Variants in PUS7L observed in about 807,000 individuals in gnomAD.
The protein encoded by PUS7L is pseudouridylate synthase PUS7L.
PUS7L carries 49 observed loss-of-function variants against 51.1 expected under a neutral mutation model. The ratio of observed to expected loss-of-function variants is 0.96; its 90% CI spans 0.76 to 1.22. The LOEUF is 1.22. PUS7L is among the 50% of genes most tolerant of loss of function. PUS7L has a pLI of 0.00. For missense variants in PUS7L, 828 were observed against 820.6 expected, an observed-to-expected ratio of 1.01 and a Z score of -0.11; for synonymous variants, 277 against 276.2, an observed-to-expected ratio of 1.00 and a Z score of -0.03.
Position 43,755,296 on chromosome 12 carries a change from G to C in PUS7L, c.-16-35C>G, listed in dbSNP as rs762812669. 4.4e-6 allele frequency: 6 copies of C among 1,353,624 alleles called. No homozygotes were observed. The African/African-American group carries it at 5.9e-5, about 13-fold the overall frequency. The allele number at this position is 1,353,624 out of a possible 1,614,324, so 83.9% of individuals were successfully genotyped here. On this transcript the variant is annotated intron_variant, in intron 1 of 8. Coordinates refer to ENST00000344862, the MANE Select transcript of PUS7L (RefSeq NM_031292.5). ...AAAACAAAGAGGTGGTTAGTTAACA[G>C]AAAGAGAAGTTATGGATGACCAAAT...
rs1027891837 is a variant in PUS7L at position 43,725,056 on chromosome 12, T to C, written c.*5320A>G. On this transcript the variant is annotated 3_prime_UTR_variant, in exon 9 of 9. Coordinates refer to ENST00000344862, the MANE Select transcript of PUS7L (RefSeq NM_031292.5). ...AAAAAGGTAAATCAGCCAATGTTGA[T>C]ATATGTAAATAGTATCAATCAGCTT... 2.0e-5 allele frequency: 3 copies of C among 152,234 alleles called. 1 individual carries two copies. Among genetic ancestry groups the C allele is most frequent in the Admixed American group, 2.0e-4 (3 of 15,286 alleles). The allele number at this position is 152,234 out of a possible 1,614,324, so 9.4% of individuals were successfully genotyped here.
rs137926852 is a variant in PUS7L, at chr12:43,729,422, T to C, written c.*954A>G. ...GCTCAGATCTTCCTAAATCAATACA[T>C]GTCTACATGCCAGTCATTCCTCCCC... On this transcript the variant is annotated 3_prime_UTR_variant, in exon 9 of 9. Coordinates refer to ENST00000344862, the MANE Select transcript of PUS7L (RefSeq NM_031292.5). 6,967 of 376,200 alleles carry C rather than the reference T, an allele frequency of 0.019. 108 individuals are homozygous for C. Among genetic ancestry groups the C allele is most frequent in the South Asian group, 0.037 (249 of 6,778 alleles). 23.3% of individuals were successfully genotyped at this position (376,200 alleles called of 1,614,324 possible). A position where few individuals can be genotyped will look rare whatever the true frequency, so the allele number is the denominator to read the frequency against.
chr12:43,733,176 A>G (rs1169008345), intron 7 of PUS7L, among the ~76,000 whole-genome samples: 1 of 152,068 alleles, frequency 6.6e-6, no homozygotes, highest in Non-Finnish European at 1.5e-5. Context: ...TTGCCCACAC[A>G]CACACACACA....
At chr12:43,743,743 A>C (rs1160427060) in intron 4 of PUS7L, among the ~76,000 whole-genome samples, 1 of 152,156 alleles carries the variant, frequency 6.6e-6, no homozygotes, top group Non-Finnish European at 1.5e-5. Flanking sequence ...AGCCTGGGTG[A>C]CAGAGCGAGA....
At position 43,720,869 on chromosome 12, in the gene PUS7L, C is replaced by T. The variant is rs1447787231; in HGVS notation, c.*9507G>A. The T allele has an allele frequency of 6.6e-6, 1 of 152,096 alleles. No homozygotes were observed. Among genetic ancestry groups the T allele is most frequent in the African/African-American group, 2.4e-5 (1 of 41,416 alleles). The allele number at this position is 152,096 out of a possible 1,614,324, so 9.4% of individuals were successfully genotyped here. ...CTGTACTTTACTGTCTTATTAGTTCCAGATAATTCTCCATGTTTTCTCTTT... is the reference window on the plus strand; with the variant it reads ...CTGTACTTTACTGTCTTATTAGTTCTAGATAATTCTCCATGTTTTCTCTTT... On this transcript the variant is annotated 3_prime_UTR_variant, in exon 9 of 9. Coordinates refer to ENST00000344862, the MANE Select transcript of PUS7L (RefSeq NM_031292.5).
rs1592166386 is a variant in PUS7L, at chr12:43,739,839, G to A, written c.1363-1448C>T. 6 of 152,240 alleles carry A rather than the reference G, an allele frequency of 3.9e-5. No individual in the cohort carries two copies. The Middle Eastern group carries it at 0.017, about 432-fold the overall frequency. The allele number at this position is 152,240 out of a possible 1,614,324, so 9.4% of individuals were successfully genotyped here. A position where few individuals can be genotyped will look rare whatever the true frequency, so the allele number is the denominator to read the frequency against. On this transcript the variant is annotated intron_variant, in intron 5 of 8. Transcript: ENST00000344862. ...ATAAAATTGGAGAAGAGGTTATATT[G>A]AGAGTACTATCAAAGTAAGTACACA...
rs1362772729 is a variant in PUS7L at position 43,754,618 on chromosome 12, C to A, written c.628G>T (p.Val210Leu). 3 of 1,613,120 alleles carry A rather than the reference C, an allele frequency of 1.9e-6. No individual in the cohort carries two copies. Among genetic ancestry groups the A allele is most frequent in the South Asian group, 2.2e-5 (2 of 90,918 alleles). Residue 210 changes from valine (V) to leucine (L), a missense_variant, in exon 2 of 9, where the codon GTA becomes TTA. Val to Leu is a conservative substitution (Grantham distance 32, BLOSUM62 1). Transcript: ENST00000344862. ...NLEYKELCHLVSEEEAFDFFK... is the reference protein window; with the variant it reads ...NLEYKELCHLLSEEEAFDFFK... ...AAGTCAAATGCTTCCTCTTCAGATA[C>A]CAAATGACAAAGTTCTTTATATTCA... is the stretch of plus-strand genomic sequence containing the variant.
At chr12:43,738,172 A>G (rs758140094) in intron 6 of PUS7L, 138 bp downstream of exon 6, 3 of 568,198 alleles carry the variant, frequency 5.3e-6, no homozygotes, top group Non-Finnish European at 9.4e-6. Flanking sequence ...TCATGTAATA[A>G]AAGTGTTCAG....
chr12:43,739,754 T>A (rs763075998), intron 5 of PUS7L: 1 of 152,122 alleles, frequency 6.6e-6, no homozygotes, highest in Non-Finnish European at 1.5e-5. Flanking sequence ...GCTGGAAATA[T>A]AAAAGATGGT....
At chr12:43,751,418 A>G (rs917362764) in intron 2 of PUS7L, among the ~76,000 whole-genome samples, 5 of 141,448 alleles carry the variant, frequency 3.5e-5, no homozygotes, top group Admixed American at 1.6e-4. Flanking sequence ...TCATTGTTCA[A>G]TTCCCACCTA....
At chr12:43,742,381 A>G (rs1285098805) in intron 5 of PUS7L, 76 bp downstream of exon 5, 1 of 1,002,928 alleles carries the variant, frequency 1.0e-6, no homozygotes, top group East Asian at 2.4e-5. Context: ...GCTAGAGTTA[A>G]GAAAGCAAGG....
chr12:43,739,640 C>G (rs1441891816), intron 5 of PUS7L: 1 of 152,054 alleles, frequency 6.6e-6, no homozygotes. Context: ...ACCATATTGG[C>G]CAGGCTGGTC....
In PUS7L at chr12:43,721,545, T is replaced by C. The variant is rs1454340288; in HGVS notation, c.*8831A>G. 5 of 152,208 alleles carry C rather than the reference T, an allele frequency of 3.3e-5. No homozygotes were observed. Among genetic ancestry groups the C allele is most frequent in the Non-Finnish European group, 4.4e-5 (3 of 68,026 alleles). 9.4% of individuals were successfully genotyped at this position (152,208 alleles called of 1,614,324 possible). The stretch of plus-strand genomic sequence containing the variant: ...AGTATTCACTCAGCATTTTTAACCC[T>C]GTTATATGTCAGGCACTGATAGGTG... On this transcript the variant is annotated 3_prime_UTR_variant, in exon 9 of 9. Transcript: ENST00000344862.
In PUS7L at chr12:43,725,451, G is replaced by A. The variant is rs944498821; in HGVS notation, c.*4925C>T. The A allele has an allele frequency of 6.6e-6, 1 of 150,622 alleles. No individual in the cohort carries two copies. Among genetic ancestry groups the A allele is most frequent in the African/African-American group, 2.4e-5 (1 of 40,866 alleles). The allele number at this position is 150,622 out of a possible 1,614,324, so 9.3% of individuals were successfully genotyped here. ...TTAGTTTTTTTTTTTTTTTGAGGTG[G>A]AGCCTCGCTCTGTCACCTAGGCTGG... On this transcript the variant is annotated 3_prime_UTR_variant, in exon 9 of 9. Transcript: ENST00000344862.
Position 43,746,203 on chromosome 12 carries a change from C to A in PUS7L, c.1106G>T (p.Arg369Ile). 1 of 1,460,754 alleles carries A rather than the reference C, an allele frequency of 6.8e-7. No homozygotes were observed. The highest frequency in any genetic ancestry group is 1.3e-5 in the South Asian group (1 of 78,602). The allele number at this position is 1,460,754 out of a possible 1,614,324, so 90.5% of individuals were successfully genotyped here. A position where few individuals can be genotyped will look rare whatever the true frequency, so the allele number is the denominator to read the frequency against. ...AGACCGAATATTAAAGACATTCATT[C>A]TTTTCTTTTCAATTTCTTTTTCAAT... is the stretch of plus-strand genomic sequence containing the variant. The part of the protein sequence containing the change: ...KNIEKEIEKK[R>I]MNVFNIRSVD... The change falls in exon 4 of 9, where the codon AGA becomes ATA. Residue 369 changes from arginine to isoleucine, a missense_variant. Transcript: ENST00000344862.
At chr12:43,751,266 T>C (rs1938427685) in intron 2 of PUS7L, among the ~76,000 whole-genome samples, 1 of 152,000 alleles carries the variant, frequency 6.6e-6, no homozygotes, top group Admixed American at 6.6e-5. Flanking sequence ...GTTACATATG[T>C]ATACATGTGC....
chr12:43,744,616 A>G (rs1057491291), intron 4 of PUS7L, among the ~76,000 whole-genome samples: 1 of 152,222 alleles, frequency 6.6e-6, no homozygotes, highest in African/African-American at 2.4e-5. Flanking sequence ...ACATATAAAG[A>G]GTATATAATC....
intron 3 of PUS7L, 90 bp downstream of exon 3, chr12:43,748,360 T>C (rs1232019907): frequency 1.3e-6 from 1 of 792,718 alleles, no homozygotes; most frequent in Non-Finnish European, 2.0e-6. Context: ...CATATTTGAA[T>C]GCAGTACAGG....
chr12:43,746,999 C>T (rs1938204267), intron 3 of PUS7L, among the ~76,000 whole-genome samples: 2 of 152,184 alleles, frequency 1.3e-5, no homozygotes. Context: ...CACTTCTTGA[C>T]CACAAAAGCA....
Sources: allele counts gnomAD v4.1 joint callset (sites outside exome capture counted in the v4.1 genomes callset), GRCh38; gene constraint gnomAD v4.1.1; transcripts MANE v1.5; gene names NCBI Gene and HGNC (gene_info 2026-07-23, HGNC 2026-07-21).